The following DLG2 variants were observed in gnomAD, a reference collection of about 807,000 sequenced individuals.
The protein encoded by DLG2 is disks large homolog 2.
Under a neutral mutation model 132.5 loss-of-function variants are expected in DLG2, and 45 were observed. The ratio of observed to expected loss-of-function variants is 0.34; its 90% CI spans 0.27 to 0.44. The LOEUF (loss-of-function observed/expected upper bound fraction) is 0.44. DLG2 is among the 20% of genes least tolerant of loss of function. The pLI is 1.00. For synonymous variants in DLG2, 424 were observed against 419.6 expected (o/e 1.01, Z -0.13); for missense variants, 1,045 against 1,196.9 (o/e 0.87, Z 1.87).
chr11:84,359,928 T>C, intron 7 of DLG2, among the ~76,000 whole-genome samples: 1 of 151,996 alleles, frequency 6.6e-6, no homozygotes, highest in South Asian at 2.1e-4. Context: ...TTTCCTGATA[T>C]ATTTGATGAG....
chr11:85,402,521 C>T lies in DLG2; in HGVS notation c.41-117156G>A, dbSNP rs190176676. ...CTAATTAAACTAAAGAGCTTCTGCACAGCAAAAGAAACTATCATCAGAGTG... is the reference window on the plus strand; with the variant it reads ...CTAATTAAACTAAAGAGCTTCTGCATAGCAAAAGAAACTATCATCAGAGTG... On this transcript the variant is annotated intron_variant, in intron 3 of 27. Transcript: ENST00000376104. Among the ~76,000 whole-genome samples, 261 of 152,106 alleles carry T rather than the reference C, an allele frequency of 1.7e-3. 2 individuals are homozygous for T. The highest frequency in any genetic ancestry group is 5.9e-3 in the African/African-American group (247 of 41,516).
intron 3 of DLG2, among the ~76,000 whole-genome samples, chr11:85,315,875 A>G (rs2152815478): frequency 6.6e-6 from 1 of 152,070 alleles, no homozygotes; most frequent in South Asian, 2.1e-4. Flanking sequence ...CAGATCTGGA[A>G]AAATACAAGG....
intron 6 of DLG2, among the ~76,000 whole-genome samples, chr11:84,907,584 A>G (rs2091656168): frequency 6.6e-6 from 1 of 152,196 alleles, no homozygotes; most frequent in East Asian, 1.9e-4. Context: ...CTATGTAAAG[A>G]AGGAAGAATA....
chr11:85,258,239 T>C (rs17148067), intron 4 of DLG2, among the ~76,000 whole-genome samples: 11,475 of 152,226 alleles, frequency 0.075, 761 homozygotes, highest in African/African-American at 0.18. Flanking sequence ...TTTGACTGGC[T>C]TATTCAATAT....
At chr11:84,502,568 TG>T (rs2154507693) in intron 7 of DLG2, among the ~76,000 whole-genome samples, 1 of 151,332 alleles carries the variant, frequency 6.6e-6, no homozygotes, top group East Asian at 2.0e-4. Flanking sequence ...GCTAATTTTT[TG>T]TATTTTTTAG....
intron 17 of DLG2, among the ~76,000 whole-genome samples, chr11:83,802,049 T>C (rs1052738288): frequency 3.3e-5 from 5 of 152,036 alleles, no homozygotes; most frequent in Non-Finnish European, 7.4e-5. Context: ...TCAGCATCTT[T>C]GAGGGTGAGG....
chr11:83,710,620 A>G (rs1229813236), intron 18 of DLG2, among the ~76,000 whole-genome samples: 1 of 152,202 alleles, frequency 6.6e-6, no homozygotes, highest in African/African-American at 2.4e-5. Context: ...TATATAGTTC[A>G]TATAACATGT....
At chr11:83,623,396 G>A (rs1304911434) in intron 19 of DLG2, among the ~76,000 whole-genome samples, 1 of 152,174 alleles carries the variant, frequency 6.6e-6, no homozygotes, top group East Asian at 1.9e-4. Flanking sequence ...CTCCAATTTG[G>A]TGACATCTGT....
intron 11 of DLG2, among the ~76,000 whole-genome samples, chr11:84,023,992 G>C (rs2095472512): frequency 6.6e-6 from 1 of 151,986 alleles, no homozygotes; most frequent in Non-Finnish European, 1.5e-5. Flanking sequence ...TACAAAATAT[G>C]TGTTAATTGA....
intron 18 of DLG2, among the ~76,000 whole-genome samples, chr11:83,655,664 C>T (rs1193573028): frequency 6.6e-6 from 1 of 152,096 alleles, no homozygotes; most frequent in Non-Finnish European, 1.5e-5. Context: ...ACATTGTATT[C>T]CTTTAAAGAA....
At chr11:84,241,900 C>T (rs993620709) in intron 8 of DLG2, among the ~76,000 whole-genome samples, 5 of 152,184 alleles carry the variant, frequency 3.3e-5, no homozygotes, top group African/African-American at 1.2e-4. Context: ...TGGGGAGGAG[C>T]TGGAGATCCC....
chr11:83,646,986 A>G (rs1252699591), intron 18 of DLG2: 3 of 151,906 alleles, frequency 2.0e-5, no homozygotes, highest in African/African-American at 7.3e-5. Context: ...ATTCTTTGTG[A>G]TTCCGTTTTG....
intron 7 of DLG2, among the ~76,000 whole-genome samples, chr11:84,492,369 T>A (rs576644032): frequency 1.2e-3 from 188 of 152,248 alleles, no homozygotes; most frequent in South Asian, 1.9e-3. Context: ...GTGATATAAC[T>A]CCAGCTTTCT....
At chr11:84,082,896 A>T (rs2096924497) in intron 10 of DLG2, among the ~76,000 whole-genome samples, 1 of 152,226 alleles carries the variant, frequency 6.6e-6, no homozygotes, top group African/African-American at 2.4e-5. Context: ...AATGAATAAC[A>T]TGGGATAGAA....
At position 84,867,253 on chromosome 11, in the gene DLG2, G is replaced by A. The variant is rs185934042; in HGVS notation, c.357+244408C>T. On this transcript the variant is annotated intron_variant, in intron 6 of 27. Transcript: ENST00000376104. Reference sequence around the variant, plus strand: ...TCTTCTGAGGTTTCAGAGAATTCATGAACTCCTATTTGAACACGTGCTGGA... The same window carrying A: ...TCTTCTGAGGTTTCAGAGAATTCATAAACTCCTATTTGAACACGTGCTGGA... 5.4e-4 allele frequency among the ~76,000 whole-genome samples: 82 copies of A among 152,280 alleles called. 2 individuals carry two copies. In the Middle Eastern group the frequency reaches 0.014, roughly 25 times the overall value.
In DLG2 at chr11:84,307,436, C is replaced by T. The variant is rs148611360; in HGVS notation, c.520-56145G>A. ...CAGAACTGGTGTGTTCTTGGTCTCACTGACTTCAAGAATGAAGCCGCAGGC... is the reference window on the plus strand; with the variant it reads ...CAGAACTGGTGTGTTCTTGGTCTCATTGACTTCAAGAATGAAGCCGCAGGC... On this transcript the variant is annotated intron_variant, in intron 7 of 27. Transcript: ENST00000376104. 5.2e-3 allele frequency among the ~76,000 whole-genome samples: 790 copies of T among 152,286 alleles called. 14 individuals are homozygous for T. The highest frequency in any genetic ancestry group is 0.018 in the African/African-American group (736 of 41,544).
At chr11:83,554,055 TC>T (rs2096461586) in intron 19 of DLG2, among the ~76,000 whole-genome samples, 1 of 151,990 alleles carries the variant, frequency 6.6e-6, no homozygotes, top group African/African-American at 2.4e-5. Flanking sequence ...GCTAATGTTT[TC>T]ATGTTTTGTA....
At chr11:84,742,948 A>G (rs887284040) in intron 6 of DLG2, among the ~76,000 whole-genome samples, 9 of 152,152 alleles carry the variant, frequency 5.9e-5, no homozygotes, top group African/African-American at 2.2e-4. Context: ...GTTTTTACCT[A>G]TTATGAATAA....
chr11:85,386,783 GA>G (rs1349841105), intron 3 of DLG2, among the ~76,000 whole-genome samples: 6 of 88,086 alleles, frequency 6.8e-5, no homozygotes, highest in Non-Finnish European at 1.5e-4. Context: ...AGTGAAAAAA[GA>G]AAAAAAGGAA....
Sources: gnomAD v4.1 joint callset for allele counts (sites outside exome capture counted in the v4.1 genomes callset) on GRCh38, gnomAD v4.1.1 for gene constraint, MANE v1.5 for transcripts, NCBI Gene and HGNC (gene_info 2026-07-23, HGNC 2026-07-21) for gene names.